SPECC1: variants seen among roughly 807,000 people sequenced by gnomAD.
SPECC1 encodes sperm antigen with calponin homology and coiled-coil domains 1, also known as cytospin-B.
A neutral mutation model predicts 104.1 loss-of-function variants in SPECC1; 62 were observed. That is an observed-to-expected ratio of 0.60 (90% CI 0.49 to 0.74). The LOEUF (loss-of-function observed/expected upper bound fraction) is 0.74, where lower values mean the gene tolerates loss of function less well. Among genes scored for constraint, SPECC1 ranks in the 30% least tolerant of loss-of-function variants. SPECC1 has a pLI of 0.00. For missense variants in SPECC1, 1,306 were observed against 1,310.5 expected (o/e 1.00, Z 0.05); for synonymous variants, 513 against 501.6 (o/e 1.02, Z -0.30).
intron 5 of SPECC1, among the ~76,000 whole-genome samples, chr17:20,231,450 C>T (rs567267817): frequency 1.3e-5 from 2 of 152,298 alleles, no homozygotes; most frequent in Admixed American, 6.5e-5. Flanking sequence ...TGCAAGTGTG[C>T]ATGGCCATGG....
intron 7 of SPECC1, among the ~76,000 whole-genome samples, chr17:20,240,620 G>A (rs1312532407): frequency 6.6e-6 from 1 of 151,936 alleles, no homozygotes; most frequent in Non-Finnish European, 1.5e-5. Flanking sequence ...CTCCCACTGG[G>A]TAGCACTGTT....
In SPECC1 at chr17:20,260,500, C is replaced by T. The variant is rs927763021; in HGVS notation, c.2940+206C>T. ...GACAGAGGCAAATGCAACTGAAAAA[C>T]GGTCTGCACTCCACCCACCAAATGT... On this transcript the variant is annotated intron_variant, in intron 12 of 14. Transcript: ENST00000395527. Among the ~76,000 whole-genome samples, 8 of 152,210 alleles carry T rather than the reference C, an allele frequency of 5.3e-5. 1 individual carries two copies. In the East Asian group the frequency reaches 1.5e-3, roughly 29 times the overall value.
At chr17:20,154,868 T>C (rs2032321942) in intron 3 of SPECC1, among the ~76,000 whole-genome samples, 1 of 152,010 alleles carries the variant, frequency 6.6e-6, no homozygotes, top group Non-Finnish European at 1.5e-5. Flanking sequence ...ACAGGCGTTG[T>C]TGAGGGACGA....
chr17:20,015,216 G>A (rs143467017), intron 1 of SPECC1, among the ~76,000 whole-genome samples: 2 of 151,998 alleles, frequency 1.3e-5, no homozygotes, highest in African/African-American at 4.8e-5. Flanking sequence ...TCTTACTTGG[G>A]AATTAGAATA....
At chr17:20,287,702 G>C (rs2041005270) in intron 12 of SPECC1, among the ~76,000 whole-genome samples, 1 of 152,016 alleles carries the variant, frequency 6.6e-6, no homozygotes, top group Non-Finnish European at 1.5e-5. Flanking sequence ...GGGCTCTGCA[G>C]GTTGCTGCTT....
chr17:20,175,755 G>A (rs1317071217), intron 3 of SPECC1, among the ~76,000 whole-genome samples: 1 of 152,192 alleles, frequency 6.6e-6, no homozygotes, highest in African/African-American at 2.4e-5. Flanking sequence ...TTAAGTACTG[G>A]GACTTCTGTA....
intron 1 of SPECC1, among the ~76,000 whole-genome samples, chr17:20,047,914 C>G (rs150343889): frequency 6.6e-5 from 10 of 152,082 alleles, no homozygotes; most frequent in Admixed American, 6.6e-4. Context: ...AATGAATGTC[C>G]GCTTTCACTG....
chr17:20,108,458 C>G (rs931168016), intron 2 of SPECC1, among the ~76,000 whole-genome samples: 3 of 152,068 alleles, frequency 2.0e-5, no homozygotes, highest in Non-Finnish European at 2.9e-5. Context: ...ATATGTTGAA[C>G]GTTCCAGCAC....
intron 8 of SPECC1, among the ~76,000 whole-genome samples, chr17:20,246,904 G>A (rs1371963558): frequency 6.6e-6 from 1 of 152,132 alleles, no homozygotes; most frequent in African/African-American, 2.4e-5. Flanking sequence ...TTTCATGTCT[G>A]TGAAGACAGG....
chr17:20,204,611 C>G lies in SPECC1; in HGVS notation c.562C>G (p.Arg188Gly), dbSNP rs774717125. ...AAAAGATAGTGAAATTAACAGGCTTCGAAGTGAACTAAAGAAATACAAAGA... is the reference window on the plus strand; with the variant it reads ...AAAAGATAGTGAAATTAACAGGCTTGGAAGTGAACTAAAGAAATACAAAGA... ...KAKDSEINRL[R>G]SELKKYKEKR... The change falls in exon 4 of 15, where the codon CGA becomes GGA. Residue 188 changes from arginine (R) to glycine (G), a missense_variant. By Grantham distance (125) the Arg-to-Gly change is moderately radical. Around this residue, in one of 2 missense-constraint regions of SPECC1, gnomAD observed 1,177 missense variants for 1,139.9 expected, o/e 1.03. Coordinates refer to ENST00000395527, the MANE Select transcript of SPECC1 (RefSeq NM_001243439.2). 4 of 1,614,142 alleles carry G rather than the reference C, an allele frequency of 2.5e-6. No homozygotes were observed. Among genetic ancestry groups the G allele is most frequent in the Non-Finnish European group, 3.4e-6 (4 of 1,180,040 alleles).
chr17:20,052,308 A>G (rs1177602772), intron 1 of SPECC1, among the ~76,000 whole-genome samples: 1 of 152,200 alleles, frequency 6.6e-6, no homozygotes, highest in Non-Finnish European at 1.5e-5. Flanking sequence ...TCATAGTTTA[A>G]TGTTCATCTA....
chr17:20,298,925 G>GAGAGAGAGAGAGAA, intron 13 of SPECC1, among the ~76,000 whole-genome samples: 1 of 65,430 alleles, frequency 1.5e-5, no homozygotes, highest in Non-Finnish European at 2.5e-5. Context: ...AACCAAAAGA[G>GAGAGAGAGAGAGAA]AGAGAGAGAG....
At chr17:20,041,917 G>A (rs1339446911) in intron 1 of SPECC1, among the ~76,000 whole-genome samples, 3 of 152,032 alleles carry the variant, frequency 2.0e-5, no homozygotes, top group African/African-American at 4.8e-5. Flanking sequence ...GAGCCACCGC[G>A]CCCAGCCTGT....
intron 1 of SPECC1, among the ~76,000 whole-genome samples, chr17:20,064,133 C>A (rs999873527): frequency 6.6e-6 from 1 of 152,202 alleles, no homozygotes. Context: ...ATGGAAAAAA[C>A]CACGAAGAGA....
intron 12 of SPECC1, among the ~76,000 whole-genome samples, chr17:20,265,984 AAT>A (rs1228289911): frequency 6.6e-6 from 1 of 152,214 alleles, no homozygotes; most frequent in Non-Finnish European, 1.5e-5. Context: ...GTAGCCTTAG[AAT>A]ATAACATGAA....
At chr17:20,078,406 A>G (rs2046844461) in intron 1 of SPECC1, among the ~76,000 whole-genome samples, 1 of 152,142 alleles carries the variant, frequency 6.6e-6, no homozygotes, top group Non-Finnish European at 1.5e-5. Context: ...AAAAAGGAAT[A>G]TAGAAGGCCA....
intron 12 of SPECC1, among the ~76,000 whole-genome samples, chr17:20,265,781 G>A (rs2040196524): frequency 2.0e-5 from 3 of 152,214 alleles, no homozygotes; most frequent in South Asian, 2.1e-4. Context: ...GTAGTGACAG[G>A]TAGAGGTCTA....
chr17:20,157,860 C>T (rs1293537397), intron 3 of SPECC1, among the ~76,000 whole-genome samples: 1 of 152,188 alleles, frequency 6.6e-6, no homozygotes, highest in Admixed American at 6.5e-5. Context: ...GATGGTGTCT[C>T]ACTATGTTGC....
intron 4 of SPECC1, among the ~76,000 whole-genome samples, chr17:20,216,735 A>G (rs1366698839): frequency 1.3e-5 from 2 of 152,212 alleles, no homozygotes; most frequent in Non-Finnish European, 2.9e-5. Context: ...CACTGGCTCC[A>G]TATCTACAGA....
Sources: allele counts gnomAD v4.1 joint callset (sites outside exome capture counted in the v4.1 genomes callset), GRCh38; gene constraint gnomAD v4.1.1; regional missense constraint gnomAD v4.1.1; transcripts MANE v1.5; gene names NCBI Gene and HGNC (gene_info 2026-07-23, HGNC 2026-07-21).